The following SND1 variants were observed in gnomAD, a reference collection of about 807,000 sequenced individuals.
SND1 encodes the protein staphylococcal nuclease and tudor domain containing 1, also known as staphylococcal nuclease domain-containing protein 1.
In SND1, 38 loss-of-function variants were observed where a neutral mutation model predicts 121.7. The ratio of observed to expected loss-of-function variants is 0.31; its 90% CI spans 0.24 to 0.41. The LOEUF (loss-of-function observed/expected upper bound fraction) is 0.41, where lower values mean the gene tolerates loss of function less well. Ranked by LOEUF, SND1 falls within the 10% of genes least tolerant of loss-of-function variation. SND1 has a pLI of 1.00. For missense variants in SND1, 868 were observed against 1,184.6 expected (o/e 0.73, Z 3.92); for synonymous variants, 401 against 447.4 (o/e 0.90, Z 1.31).
intron 15 of SND1, among the ~76,000 whole-genome samples, chr7:127,935,366 C>T (rs575160219): frequency 4.6e-5 from 7 of 152,250 alleles, no homozygotes; most frequent in Admixed American, 1.3e-4. Flanking sequence ...CTATTCAGTA[C>T]ACCTATTGTT....
intron 2 of SND1, among the ~76,000 whole-genome samples, chr7:127,690,052 A>T (rs1795886400): frequency 6.6e-6 from 1 of 151,434 alleles, no homozygotes; most frequent in Admixed American, 6.6e-5. Flanking sequence ...TTCATCTCTG[A>T]TAGAGTGCTT....
intron 1 of SND1, among the ~76,000 whole-genome samples, chr7:127,673,105 C>T (rs145056003): frequency 6.8e-4 from 100 of 147,756 alleles, no homozygotes; most frequent in East Asian, 6.1e-3. Flanking sequence ...ATATATCCTT[C>T]GGTAGGAGAT....
At chr7:127,769,531 A>G (rs1797477745) in intron 10 of SND1, among the ~76,000 whole-genome samples, 1 of 152,086 alleles carries the variant, frequency 6.6e-6, no homozygotes, top group Non-Finnish European at 1.5e-5. Flanking sequence ...TTTTTCTGAC[A>G]GTCCCTCCCT....
intron 12 of SND1, among the ~76,000 whole-genome samples, chr7:127,857,518 T>A (rs1166017933): frequency 2.6e-5 from 4 of 151,206 alleles, no homozygotes; most frequent in African/African-American, 9.7e-5. Context: ...GTAAGTGAGG[T>A]TTCTTTTTTT....
chr7:127,806,155 G>A (rs1261962296), intron 10 of SND1, among the ~76,000 whole-genome samples: 2 of 152,174 alleles, frequency 1.3e-5, no homozygotes, highest in East Asian at 3.9e-4. Context: ...ATACCAACTG[G>A]TGTAGTCAGG....
At chr7:127,992,860 GTCTTA>G (rs1180752117) in intron 16 of SND1, among the ~76,000 whole-genome samples, 2 of 152,116 alleles carry the variant, frequency 1.3e-5, no homozygotes, top group Non-Finnish European at 2.9e-5. Flanking sequence ...CCTTACCTTT[GTCTTA>G]TATTTGCTAA....
At chr7:127,694,724 A>T (rs1377164009) in intron 2 of SND1, 104 bp from the exon 3 acceptor site, 2 of 1,364,588 alleles carry the variant, frequency 1.5e-6, no homozygotes, top group African/African-American at 1.4e-5. Flanking sequence ...GGCCAGGACC[A>T]TGGTAGGTAC....
At chr7:128,022,196 C>T in intron 16 of SND1, among the ~76,000 whole-genome samples, 1 of 111,832 alleles carries the variant, frequency 8.9e-6, no homozygotes, top group East Asian at 2.5e-4. Context: ...CAGAGCAAGA[C>T]TCTCTCTCAA....
intron 16 of SND1, among the ~76,000 whole-genome samples, chr7:128,071,064 G>A (rs1793402027): frequency 1.3e-5 from 2 of 152,148 alleles, no homozygotes; most frequent in Admixed American, 1.3e-4. Flanking sequence ...CTTTTTGTTG[G>A]TGGTTTCACA....
intron 7 of SND1, among the ~76,000 whole-genome samples, 161 bp downstream of exon 7, chr7:127,703,484 C>T (rs1433485026): frequency 5.9e-5 from 9 of 152,160 alleles, no homozygotes; most frequent in African/African-American, 2.2e-4. Context: ...GAGGCCAAGG[C>T]GGGTGGATCA....
At chr7:127,740,519 C>T (rs1796860905) in intron 10 of SND1, among the ~76,000 whole-genome samples, 1 of 152,190 alleles carries the variant, frequency 6.6e-6, no homozygotes, top group Non-Finnish European at 1.5e-5. Context: ...GGGTCTGACT[C>T]TGTAGCAACA....
intron 12 of SND1, among the ~76,000 whole-genome samples, chr7:127,870,402 T>C (rs1481618517): frequency 6.6e-6 from 1 of 152,152 alleles, no homozygotes; most frequent in Non-Finnish European, 1.5e-5. Context: ...TACTTAACAA[T>C]TGGGATACCT....
chr7:128,016,858 C>G (rs543428428), intron 16 of SND1, among the ~76,000 whole-genome samples: 1 of 152,258 alleles, frequency 6.6e-6, no homozygotes, highest in Non-Finnish European at 1.5e-5. Flanking sequence ...TGTGTCTGAC[C>G]AAATCTTAGT....
chr7:127,701,137 A>G, intron 4 of SND1, 26 bp from the exon 5 acceptor site: 2 of 1,611,316 alleles, frequency 1.2e-6, no homozygotes, highest in Non-Finnish European at 1.7e-6. Flanking sequence ...CTCACTAACC[A>G]CTCTTGTTTA....
intron 15 of SND1, among the ~76,000 whole-genome samples, chr7:127,936,184 T>G (rs992669318): frequency 6.6e-6 from 1 of 152,118 alleles, no homozygotes; most frequent in African/African-American, 2.4e-5. Context: ...GCAGGTGACC[T>G]TACAGCATCA....
At chr7:127,854,303 A>C (rs2116667544) in intron 12 of SND1, among the ~76,000 whole-genome samples, 1 of 151,962 alleles carries the variant, frequency 6.6e-6, no homozygotes, top group East Asian at 1.9e-4. Context: ...TGATTTTTGC[A>C]TTTTTAGTAG....
chr7:127,701,416 T>G (rs930665552), intron 5 of SND1, 93 bp downstream of exon 5: 1 of 1,275,738 alleles, frequency 7.8e-7, no homozygotes, highest in Non-Finnish European at 1.1e-6. Context: ...CTAGTAAGCC[T>G]TTCTTATACT....
At chr7:127,762,082 T>C (rs1797314807) in intron 10 of SND1, among the ~76,000 whole-genome samples, 2 of 152,298 alleles carry the variant, frequency 1.3e-5, no homozygotes, top group South Asian at 4.1e-4. Context: ...ATCTTCCATT[T>C]CCTTGCTTTG....
At chr7:128,054,830 T>C (rs1793108521) in intron 16 of SND1, among the ~76,000 whole-genome samples, 3 of 152,238 alleles carry the variant, frequency 2.0e-5, no homozygotes, top group African/African-American at 7.2e-5. Context: ...CTCAGTAGTT[T>C]GTAATTCTGA....
Sources: allele counts gnomAD v4.1 joint callset (sites outside exome capture counted in the v4.1 genomes callset), GRCh38; gene constraint gnomAD v4.1.1; transcripts MANE v1.5; gene names NCBI Gene and HGNC (gene_info 2026-07-23, HGNC 2026-07-21).